The following RUNDC3B variants were observed in gnomAD, a reference collection of about 807,000 sequenced individuals.
RUNDC3B encodes RUN domain containing 3B, also known as RUN domain-containing protein 3B.
In RUNDC3B, 33 loss-of-function variants were observed where a neutral mutation model predicts 58.4. The ratio of observed to expected loss-of-function variants is 0.56; its 90% CI spans 0.43 to 0.75. RUNDC3B has a LOEUF of 0.75. Ranked by LOEUF, RUNDC3B falls within the 30% of genes least tolerant of loss-of-function variation. The pLI is 0.00. For missense variants in RUNDC3B, 501 were observed against 535.7 expected (o/e 0.94, Z 0.64); for synonymous variants, 193 against 195.2 (o/e 0.99, Z 0.10).
At chr7:87,667,507 G>T (rs1454554171) in intron 2 of RUNDC3B, among the ~76,000 whole-genome samples, 1 of 151,910 alleles carries the variant, frequency 6.6e-6, no homozygotes, top group East Asian at 1.9e-4. Context: ...GATAGCTCTG[G>T]CTAGGACTTC....
In RUNDC3B at chr7:87,805,350, TA is replaced by T. The variant is rs1836383359; in HGVS notation, c.957-2022del. Among the ~76,000 whole-genome samples, 3 of 152,326 alleles carry T rather than the reference TA, an allele frequency of 2.0e-5. No individual in the cohort carries two copies. The South Asian group carries it at 6.2e-4, about 32-fold the overall frequency. On this transcript the variant is annotated intron_variant, in intron 8 of 10. Transcript: ENST00000394654. Reference sequence around the variant, plus strand: ...ATTCTCCAGGAACCTTTCCTCTTCATAGTGGCAGAGCAAGTGCCAGGATTTG... The same window carrying T: ...ATTCTCCAGGAACCTTTCCTCTTCATGTGGCAGAGCAAGTGCCAGGATTTG...
chr7:87,817,235 G>A (rs145474306), intron 10 of RUNDC3B, among the ~76,000 whole-genome samples: 38 of 152,202 alleles, frequency 2.5e-4, no homozygotes, highest in African/African-American at 8.4e-4. Context: ...TATAAAACAT[G>A]CTATATACAT....
intron 4 of RUNDC3B, among the ~76,000 whole-genome samples, chr7:87,722,527 T>A (rs1372076091): frequency 6.6e-6 from 1 of 152,194 alleles, no homozygotes; most frequent in Admixed American, 6.6e-5. Flanking sequence ...ACATGTGAGA[T>A]CACTTAACAG....
chr7:87,666,902 A>T (rs1404408042), intron 2 of RUNDC3B, among the ~76,000 whole-genome samples: 1 of 152,026 alleles, frequency 6.6e-6, no homozygotes, highest in Admixed American at 6.6e-5. Context: ...CTTGTGGTAT[A>T]GTTTGAAGTC....
At chr7:87,743,501 A>G (rs1213471891) in intron 6 of RUNDC3B, among the ~76,000 whole-genome samples, 1 of 152,048 alleles carries the variant, frequency 6.6e-6, no homozygotes, top group African/African-American at 2.4e-5. Flanking sequence ...TTTTTTTATT[A>G]TGGCCATTCT....
rs530989070 is a variant in RUNDC3B at position 87,638,982 on chromosome 7, C to G, written c.122+10037C>G. 4.6e-5 allele frequency among the ~76,000 whole-genome samples: 7 copies of G among 152,092 alleles called. No homozygotes were observed. In the South Asian group the frequency reaches 1.4e-3, roughly 32 times the overall value. On this transcript the variant is annotated intron_variant, in intron 1 of 10. Transcript: ENST00000394654. ...CCTGGCTAACACGGTGAAACCCCGTCTCTACTAAAAATACAAAAAATTAGC... is the reference window on the plus strand; with the variant it reads ...CCTGGCTAACACGGTGAAACCCCGTGTCTACTAAAAATACAAAAAATTAGC...
intron 1 of RUNDC3B, among the ~76,000 whole-genome samples, chr7:87,632,997 T>G (rs1251610844): frequency 6.6e-6 from 1 of 151,536 alleles, no homozygotes; most frequent in Admixed American, 6.6e-5. Flanking sequence ...TGGAGACAAG[T>G]GATGATTTCA....
At chr7:87,682,014 T>C (rs1047830258) in intron 2 of RUNDC3B, among the ~76,000 whole-genome samples, 11 of 152,222 alleles carry the variant, frequency 7.2e-5, no homozygotes, top group African/African-American at 2.7e-4. Context: ...ACTAAGTTCA[T>C]TTAATATCTT....
intron 10 of RUNDC3B, among the ~76,000 whole-genome samples, chr7:87,827,282 G>A (rs1363281757): frequency 6.6e-6 from 1 of 152,148 alleles, no homozygotes; most frequent in Non-Finnish European, 1.5e-5. Context: ...GAGGTCAGGA[G>A]TTCGAGACCA....
At chr7:87,704,944 G>A (rs1829455764) in intron 3 of RUNDC3B, among the ~76,000 whole-genome samples, 1 of 152,198 alleles carries the variant, frequency 6.6e-6, no homozygotes, top group Non-Finnish European at 1.5e-5. Flanking sequence ...TACTAGCATA[G>A]TGTCATTTTG....
At chr7:87,645,851 A>G (rs1016636358) in intron 1 of RUNDC3B, among the ~76,000 whole-genome samples, 21 of 151,746 alleles carry the variant, frequency 1.4e-4, no homozygotes, top group African/African-American at 5.1e-4. Flanking sequence ...AAAGTGAAGC[A>G]TAGACTCTAA....
chr7:87,629,989 A>C (rs1401792572), intron 1 of RUNDC3B, among the ~76,000 whole-genome samples: 1 of 152,014 alleles, frequency 6.6e-6, no homozygotes, highest in Non-Finnish European at 1.5e-5. Flanking sequence ...TAACATGCTG[A>C]TATATTTTCT....
chr7:87,659,432 T>C (rs1476526874), intron 2 of RUNDC3B, among the ~76,000 whole-genome samples: 2 of 152,196 alleles, frequency 1.3e-5, no homozygotes, highest in Non-Finnish European at 2.9e-5. Context: ...TCTACTGGTA[T>C]CATTTTCCAG....
chr7:87,630,808 G>A (rs758087573), intron 1 of RUNDC3B, among the ~76,000 whole-genome samples: 1 of 151,460 alleles, frequency 6.6e-6, no homozygotes, highest in Non-Finnish European at 1.5e-5. Flanking sequence ...GTCTTGGCTG[G>A]CTTTAGGTCA....
intron 6 of RUNDC3B, among the ~76,000 whole-genome samples, chr7:87,755,894 T>G (rs1235778787): frequency 6.6e-6 from 1 of 152,000 alleles, no homozygotes; most frequent in East Asian, 1.9e-4. Flanking sequence ...GAGAAAGAAA[T>G]AAAGGGCATC....
chr7:87,638,200 T>G (rs1822009288), intron 1 of RUNDC3B, among the ~76,000 whole-genome samples: 1 of 152,214 alleles, frequency 6.6e-6, no homozygotes, highest in African/African-American at 2.4e-5. Context: ...GACATATTTT[T>G]GCATTTAGGG....
chr7:87,660,536 T>A (rs1293350466), intron 2 of RUNDC3B, among the ~76,000 whole-genome samples: 1 of 152,046 alleles, frequency 6.6e-6, no homozygotes, highest in Non-Finnish European at 1.5e-5. Flanking sequence ...CGTTAGTTCC[T>A]TTTTCTTTTT....
intron 10 of RUNDC3B, among the ~76,000 whole-genome samples, chr7:87,817,104 C>T (rs148883908): frequency 1.3e-5 from 2 of 152,272 alleles, no homozygotes; most frequent in African/African-American, 4.8e-5. Flanking sequence ...TCCCTTAAGC[C>T]TCCAATTTTT....
intron 1 of RUNDC3B, among the ~76,000 whole-genome samples, chr7:87,633,950 C>T (rs1305217693): frequency 6.6e-6 from 1 of 152,066 alleles, no homozygotes; most frequent in Non-Finnish European, 1.5e-5. Context: ...GTACAAAAAC[C>T]GTGGCCCCGG....
Sources: allele counts gnomAD v4.1 joint callset (sites outside exome capture counted in the v4.1 genomes callset), GRCh38; gene constraint gnomAD v4.1.1; transcripts MANE v1.5; gene names NCBI Gene and HGNC (gene_info 2026-07-23, HGNC 2026-07-21).